Variants in TAF10 observed in about 807,000 individuals in gnomAD.
TAF10 encodes the protein transcription initiation factor TFIID subunit 10.
Under a neutral mutation model 18.1 loss-of-function variants are expected in TAF10, and 2 were observed. That is an observed-to-expected ratio of 0.11 (90% confidence interval 0.05 to 0.35). TAF10 has a LOEUF of 0.35. Ranked by LOEUF, TAF10 falls within the 10% of genes least tolerant of loss-of-function variation. The pLI is 1.00. For synonymous variants in TAF10, 158 were observed against 134.6 expected (o/e 1.17, Z -1.20); for missense variants, 293 against 306.9 (o/e 0.95, Z 0.34).
Position 6,607,940 on chromosome 11 carries a change from A to G in TAF10, c.*2982T>C. 2.5e-6 allele frequency: 3 copies of G among 1,180,234 alleles called. No individual in the cohort carries two copies. Among genetic ancestry groups the G allele is most frequent in the Non-Finnish European group, 3.7e-6 (3 of 810,920 alleles). The allele number at this position is 1,180,234 out of a possible 1,614,324, so 73.1% of individuals were successfully genotyped here. A position where few individuals can be genotyped will look rare whatever the true frequency, so the allele number is the denominator to read the frequency against. Reference sequence around the variant, plus strand: ...TGGCATGAATGAGAATCAAAGTCCTAGAGAGGTAAGCCTTCCCAGAGAGTA... The same window carrying G: ...TGGCATGAATGAGAATCAAAGTCCTGGAGAGGTAAGCCTTCCCAGAGAGTA... On this transcript the variant is annotated 3_prime_UTR_variant, in exon 5 of 5. Coordinates refer to ENST00000299424, the MANE Select transcript of TAF10 (RefSeq NM_006284.4).
rs367674502 is a variant in TAF10, at chr11:6,608,369, C to G, written c.*2553G>C. 6.2e-7 allele frequency: 1 copy of G among 1,609,860 alleles called. No individual in the cohort carries two copies. Among genetic ancestry groups the G allele is most frequent in the Non-Finnish European group, 8.5e-7 (1 of 1,176,090 alleles). On this transcript the variant is annotated 3_prime_UTR_variant, in exon 5 of 5. Coordinates refer to ENST00000299424, the MANE Select transcript of TAF10 (RefSeq NM_006284.4). This position sits in a 1 kb window ranked among gnomAD's most constrained non-coding sequence, Gnocchi z 4.9. ...GAACTGACTGTACTTTCTGCCTCTT[C>G]TTTTTGTCTGGCCATGGGGTCCAGC...
rs186878335 is a variant in TAF10, at chr11:6,610,324, A to G, written c.*598T>C. 247 of 1,613,916 alleles carry G rather than the reference A, an allele frequency of 1.5e-4. No individual in the cohort carries two copies. The African/African-American group carries it at 3.1e-3, about 20-fold the overall frequency. On this transcript the variant is annotated 3_prime_UTR_variant, in exon 5 of 5. Transcript: ENST00000299424. ...ATTTGTGTTGCGGGAGTGGTTGGTG[A>G]TGGTGAAAATAACTGTAGTGGGCCT...
chr11:6,611,163 C>T, intron 4 of TAF10, 26 bp downstream of exon 4: 4 of 1,608,856 alleles, frequency 2.5e-6, no homozygotes, highest in Non-Finnish European at 3.4e-6. Flanking sequence ...AAGGTAATTA[C>T]TGATTCATTA....
rs1275020947 is a variant in TAF10 at position 6,607,090 on chromosome 11, A to T, written c.*3832T>A. The T allele has an allele frequency of 1.3e-5, 2 of 152,414 alleles. No homozygotes were observed. The highest frequency in any genetic ancestry group is 2.9e-5 in the Non-Finnish European group (2 of 68,090). 9.4% of individuals were successfully genotyped at this position (152,414 alleles called of 1,614,324 possible). A position where few individuals can be genotyped will look rare whatever the true frequency, so the allele number is the denominator to read the frequency against. On this transcript the variant is annotated 3_prime_UTR_variant, in exon 5 of 5. Coordinates refer to ENST00000299424, the MANE Select transcript of TAF10 (RefSeq NM_006284.4). ...AGCTCCAGGCCTTGCCTAGAGTCGC[A>T]CACAGGAAGTGACCACAACACTAAG...
chr11:6,608,924 A>G lies in TAF10; in HGVS notation c.*1998T>C, dbSNP rs780463048. 6.2e-7 allele frequency: 1 copy of G among 1,614,190 alleles called. No individual in the cohort carries two copies. The highest frequency in any genetic ancestry group is 1.1e-5 in the South Asian group (1 of 91,082). On this transcript the variant is annotated 3_prime_UTR_variant, in exon 5 of 5. Coordinates refer to ENST00000299424, the MANE Select transcript of TAF10 (RefSeq NM_006284.4). This position sits in a 1 kb window ranked among gnomAD's most constrained non-coding sequence, Gnocchi z 4.9. ...TGGGCCAGAATCTCAACCGTATTCC[A>G]TACAAGGACACATTCTGGAAGGGGA...
rs1855235708 is a variant in TAF10, at chr11:6,609,101, T to C, written c.*1821A>G. 1 of 1,614,074 alleles carries C rather than the reference T, an allele frequency of 6.2e-7. No homozygotes were observed. The highest frequency in any genetic ancestry group is 1.3e-5 in the African/African-American group (1 of 74,918). ...GGAACCCTGAACAAACACTCTGGCATTGACTTCAAACAGCTTAACTTCCTG... is the reference window on the plus strand; with the variant it reads ...GGAACCCTGAACAAACACTCTGGCACTGACTTCAAACAGCTTAACTTCCTG... On this transcript the variant is annotated 3_prime_UTR_variant, in exon 5 of 5. Coordinates refer to ENST00000299424, the MANE Select transcript of TAF10 (RefSeq NM_006284.4).
chr11:6,609,064 C>T lies in TAF10; in HGVS notation c.*1858G>A. The T allele has an allele frequency of 4.3e-6, 7 of 1,613,910 alleles. No individual in the cohort carries two copies. The highest frequency in any genetic ancestry group is 5.9e-6 in the Non-Finnish European group (7 of 1,179,750). ...AAGCTGGGTACCTGACCTGCCCACA[C>T]TCTTAGGAAATGGAACCCTGAACAA... On this transcript the variant is annotated 3_prime_UTR_variant, in exon 5 of 5. Transcript: ENST00000299424.
Position 6,608,984 on chromosome 11 carries a change from G to A in TAF10, c.*1938C>T. The A allele has an allele frequency of 1.9e-6, 3 of 1,613,942 alleles. No homozygotes were observed. The highest frequency in any genetic ancestry group is 2.2e-5 in the South Asian group (2 of 91,080). On this transcript the variant is annotated 3_prime_UTR_variant, in exon 5 of 5. Coordinates refer to ENST00000299424, the MANE Select transcript of TAF10 (RefSeq NM_006284.4). This position sits in a 1 kb window ranked among gnomAD's most constrained non-coding sequence, Gnocchi z 4.9. ...CTCGGCCCCGTGAGTCACCACTGTGGGAAGAAGGGTTGTAAAAGGAAATAA... is the reference window on the plus strand; with the variant it reads ...CTCGGCCCCGTGAGTCACCACTGTGAGAAGAAGGGTTGTAAAAGGAAATAA...
In TAF10 at chr11:6,611,025, G is replaced by A; in HGVS notation, c.568-14C>T. 6.2e-7 allele frequency: 1 copy of A among 1,613,602 alleles called. No homozygotes were observed. Among genetic ancestry groups the A allele is most frequent in the Non-Finnish European group, 8.5e-7 (1 of 1,179,758 alleles). Reference sequence around the variant, plus strand: ...GTACTTGCGGTCCTGAGGGAAGAGGGAAGAGCACCAACTGAGCACAGGAAT... The same window carrying A: ...GTACTTGCGGTCCTGAGGGAAGAGGAAAGAGCACCAACTGAGCACAGGAAT... On this transcript the variant is annotated splice_polypyrimidine_tract_variant and intron_variant, in intron 4 of 4. Coordinates refer to ENST00000299424, the MANE Select transcript of TAF10 (RefSeq NM_006284.4).
In TAF10 at chr11:6,609,688, G is replaced by A. The variant is rs752437823; in HGVS notation, c.*1234C>T. The A allele has an allele frequency of 6.2e-7, 1 of 1,614,182 alleles. No individual in the cohort carries two copies. Among genetic ancestry groups the A allele is most frequent in the Admixed American group, 1.7e-5 (1 of 60,022 alleles). ...TTGGGGAGGAAATGGCAGAGAGGGA[G>A]CCTCTCTGAACTATTTGACTTTTGC... On this transcript the variant is annotated 3_prime_UTR_variant, in exon 5 of 5. Coordinates refer to ENST00000299424, the MANE Select transcript of TAF10 (RefSeq NM_006284.4).
In TAF10 at chr11:6,606,496, GT is replaced by G. The variant is rs1854920520; in HGVS notation, c.*4425del. The G allele has an allele frequency of 6.6e-6, 1 of 152,172 alleles. No homozygotes were observed. The highest frequency in any genetic ancestry group is 1.5e-5 in the Non-Finnish European group (1 of 68,028). The allele number at this position is 152,172 out of a possible 1,614,324, so 9.4% of individuals were successfully genotyped here. A position where few individuals can be genotyped will look rare whatever the true frequency, so the allele number is the denominator to read the frequency against. ...TACCCTGATAAAGACAGTAAGCACT[GT>G]TACTGTTTTGTTGGTGAGGAAATAG... On this transcript the variant is annotated 3_prime_UTR_variant, in exon 5 of 5. Coordinates refer to ENST00000299424, the MANE Select transcript of TAF10 (RefSeq NM_006284.4).
Position 6,610,333 on chromosome 11 carries a change from A to G in TAF10, c.*589T>C. 1.2e-6 allele frequency: 2 copies of G among 1,613,860 alleles called. No individual in the cohort carries two copies. Among genetic ancestry groups the G allele is most frequent in the South Asian group, 1.1e-5 (1 of 91,070 alleles). On this transcript the variant is annotated 3_prime_UTR_variant, in exon 5 of 5. Transcript: ENST00000299424. The stretch of plus-strand genomic sequence containing the variant: ...GCGGGAGTGGTTGGTGATGGTGAAA[A>G]TAACTGTAGTGGGCCTTGGCTCCTC...
At position 6,607,375 on chromosome 11, in the gene TAF10, T is replaced by C. The variant is rs1855029545; in HGVS notation, c.*3547A>G. 1 of 152,978 alleles carries C rather than the reference T, an allele frequency of 6.5e-6. No homozygotes were observed. Among genetic ancestry groups the C allele is most frequent in the African/African-American group, 2.4e-5 (1 of 41,464 alleles). 9.5% of individuals were successfully genotyped at this position (152,978 alleles called of 1,614,324 possible). ...GTTTTCTATGCACAGGATTGCTAAG[T>C]AGGGGAATCCTGCTTTGCATGGTGG... is the stretch of plus-strand genomic sequence containing the variant. On this transcript the variant is annotated 3_prime_UTR_variant, in exon 5 of 5. Coordinates refer to ENST00000299424, the MANE Select transcript of TAF10 (RefSeq NM_006284.4).
At chr11:6,611,133 A>T in intron 4 of TAF10, 56 bp downstream of exon 4, 1 of 1,595,678 alleles carries the variant, frequency 6.3e-7, no homozygotes, top group Non-Finnish European at 8.6e-7. Context: ...GGGTGGCAGG[A>T]TAAGCCTCCA....
Position 6,610,075 on chromosome 11 carries a change from C to T in TAF10, c.*847G>A, listed in dbSNP as rs1855345874. ...CATGTCGGGAGGTAAAAAAGGACCACCTCAGAAGTAGTGGAAGGGGGCAGA... is the reference window on the plus strand; with the variant it reads ...CATGTCGGGAGGTAAAAAAGGACCATCTCAGAAGTAGTGGAAGGGGGCAGA... On this transcript the variant is annotated 3_prime_UTR_variant, in exon 5 of 5. Coordinates refer to ENST00000299424, the MANE Select transcript of TAF10 (RefSeq NM_006284.4). The T allele has an allele frequency of 6.2e-7, 1 of 1,614,042 alleles. No individual in the cohort carries two copies. Among genetic ancestry groups the T allele is most frequent in the Admixed American group, 1.7e-5 (1 of 60,022 alleles).
rs1855165719 is a variant in TAF10 at position 6,608,494 on chromosome 11, G to A, written c.*2428C>T. ...GGCCAAGATCAAGTGGCAGAGGTGA[G>A]TACTCAGCCCTTAATTCCTGAGATG... On this transcript the variant is annotated 3_prime_UTR_variant, in exon 5 of 5. Transcript: ENST00000299424. The surrounding 1 kb of genome is among the most constrained non-coding windows in gnomAD (Gnocchi z 4.9). 1 of 1,605,006 alleles carries A rather than the reference G, an allele frequency of 6.2e-7. No individual in the cohort carries two copies. The highest frequency in any genetic ancestry group is 8.5e-7 in the Non-Finnish European group (1 of 1,171,618).
At position 6,611,420 on chromosome 11, in the gene TAF10, G is replaced by C. The variant is rs1322759966; in HGVS notation, c.420C>G (p.Asn140Lys). The part of the protein sequence containing the change: ...IPDAVTGYYL[N>K]RAGFEASDPR... Reference sequence around the variant, plus strand: ...GGTCTGAGGCCTCAAAGCCAGCACGGTTCAGGTAGTAACCAGTCACTGCAT... The same window carrying C: ...GGTCTGAGGCCTCAAAGCCAGCACGCTTCAGGTAGTAACCAGTCACTGCAT... The change falls in exon 3 of 5, where the codon AAC (asparagine) becomes AAG (lysine). Residue 140 changes from asparagine to lysine, a missense_variant. Asn to Lys is a moderately conservative substitution (Grantham distance 94). Transcript: ENST00000299424. 4 of 1,614,186 alleles carry C rather than the reference G, an allele frequency of 2.5e-6. No homozygotes were observed. The highest frequency in any genetic ancestry group is 1.1e-5 in the South Asian group (1 of 91,086).
At chr11:6,611,089 C>G in intron 4 of TAF10, 78 bp from the exon 5 acceptor site, 1 of 1,590,452 alleles carries the variant, frequency 6.3e-7, no homozygotes, top group South Asian at 1.1e-5. Flanking sequence ...CTGAGTAAGT[C>G]TTACACCTCC....
At position 6,612,056 on chromosome 11, in the gene TAF10, G is replaced by T; in HGVS notation, c.134C>A (p.Pro45His). 6.9e-7 allele frequency: 1 copy of T among 1,447,770 alleles called. No homozygotes were observed. The highest frequency in any genetic ancestry group is 1.4e-5 in the South Asian group (1 of 70,840). The allele number at this position is 1,447,770 out of a possible 1,614,324, so 89.7% of individuals were successfully genotyped here. A position where few individuals can be genotyped will look rare whatever the true frequency, so the allele number is the denominator to read the frequency against. Residue 45 changes from proline (P) to histidine (H), a missense_variant, in exon 1 of 5, where the codon CCC becomes CAC. By Grantham distance (77) the Pro-to-His change is moderately conservative. Transcript: ENST00000299424. The stretch of plus-strand genomic sequence containing the variant: ...CCCAGGTCCCCCCGCTGTCCCCGCG[G>T]GGCTGGCCTTGTTCTCCGCGGCGGT... ...SSTAAENKAS[P>H]AGTAGGPGAG...
Sources: allele counts gnomAD v4.1 joint callset, GRCh38; gene constraint gnomAD v4.1.1; non-coding constraint Gnocchi (gnomAD v3.1); transcripts MANE v1.5; gene names NCBI Gene and HGNC (gene_info 2026-07-23, HGNC 2026-07-21).